The following NPC1 variants were observed in gnomAD, a reference collection of about 807,000 sequenced individuals.
NPC1 encodes the protein NPC intracellular cholesterol transporter 1, also known as Niemann-Pick C1 protein.
In NPC1, 85 loss-of-function variants were observed where a neutral mutation model predicts 140.4. That is an observed-to-expected ratio of 0.61 (90% CI 0.51 to 0.72). The LOEUF is 0.72. Ranked by LOEUF, NPC1 falls within the 30% of genes least tolerant of loss-of-function variation. The pLI is 0.00. For missense variants in NPC1, 1,504 were observed against 1,623.8 expected (o/e 0.93, Z 1.27); for synonymous variants, 656 against 624.8 (o/e 1.05, Z -0.74).
chr18:23,506,646 TGA>T (rs1261443960), intron 3 of NPC1: 1 of 256,510 alleles, frequency 3.9e-6, no homozygotes, highest in South Asian at 4.1e-5. Context: ...AGCTTTGCTG[TGA>T]GAGAGAAACA....
At chr18:23,514,035 G>C (rs1046268746) in intron 3 of NPC1, among the ~76,000 whole-genome samples, 1 of 152,120 alleles carries the variant, frequency 6.6e-6, no homozygotes, top group East Asian at 1.9e-4. Flanking sequence ...ATCTGTTCCA[G>C]CTTCCTGACC....
At chr18:23,540,133 C>T in intron 17 of NPC1, 132 bp from the exon 18 acceptor site, 1 of 784,666 alleles carries the variant, frequency 1.3e-6, no homozygotes, top group Admixed American at 2.0e-5. Flanking sequence ...CTCATGATTC[C>T]TAACACCACC....
In NPC1 at chr18:23,556,438, T is replaced by C. The variant is rs1164106395; in HGVS notation, c.1131A>G (p.Pro377=). The change falls in exon 8 of 25, where the codon CCA becomes CCG. Residue 377 remains proline, a synonymous_variant. Coordinates refer to ENST00000269228, the MANE Select transcript of NPC1 (RefSeq NM_000271.5). ...TGCTGGGGGCTGACCAGAGGTCAAC[T>C]GGATTGGTTGTGACCCGGACAAACA... is the stretch of plus-strand genomic sequence containing the variant. The part of the protein sequence containing the change: ...GLVFVRVTTN[P]VDLWSAPSSQ... 1 of 1,613,942 alleles carries C rather than the reference T, an allele frequency of 6.2e-7. No individual in the cohort carries two copies. The highest frequency in any genetic ancestry group is 1.3e-5 in the African/African-American group (1 of 74,896).
rs1444886499 is a variant in NPC1, at chr18:23,545,166, A to G, written c.1758-17T>C. The G allele has an allele frequency of 3.8e-6, 6 of 1,567,148 alleles. No individual in the cohort carries two copies. The highest frequency in any genetic ancestry group is 5.3e-6 in the Non-Finnish European group (6 of 1,137,276). ...TTAATAAACCTAAAAGGTAAGCAAA[A>G]TGTTATATTTTTAGTTAAACTAACT... is the stretch of plus-strand genomic sequence containing the variant. On this transcript the variant is annotated splice_polypyrimidine_tract_variant and intron_variant, in intron 11 of 24. Coordinates refer to ENST00000269228, the MANE Select transcript of NPC1 (RefSeq NM_000271.5).
rs1453113284 is a variant in NPC1 at position 23,539,382 on chromosome 18, T to C, written c.2884A>G (p.Ile962Val). The C allele has an allele frequency of 6.2e-7, 1 of 1,613,600 alleles. No individual in the cohort carries two copies. Among genetic ancestry groups the C allele is most frequent in the Admixed American group, 1.7e-5 (1 of 60,020 alleles). ...GAAGCATTGCAGAACTGGTCAGTGATATTGTCCACTCGACAGCAAGACGAC... is the reference window on the plus strand; with the variant it reads ...GAAGCATTGCAGAACTGGTCAGTGACATTGTCCACTCGACAGCAAGACGAC... ...PQSSCCRVDN[I>V]TDQFCNASVV... The change falls in exon 19 of 25, where the codon ATC (isoleucine) becomes GTC (valine). Residue 962 changes from isoleucine to valine, a missense_variant. By Grantham distance (29) the Ile-to-Val change is conservative. Transcript: ENST00000269228.
At chr18:23,563,182 C>G (rs2059069130) in intron 4 of NPC1, among the ~76,000 whole-genome samples, 1 of 152,210 alleles carries the variant, frequency 6.6e-6, no homozygotes, top group African/African-American at 2.4e-5. Flanking sequence ...AAGGTTCATG[C>G]ATATTGTGGC....
At chr18:23,573,946 A>C (rs1026422403) in intron 1 of NPC1, among the ~76,000 whole-genome samples, 1 of 152,242 alleles carries the variant, frequency 6.6e-6, no homozygotes, top group Non-Finnish European at 1.5e-5. Flanking sequence ...ATAAGCTCTA[A>C]GTAATGAAAG....
At chr18:23,527,872 T>C, downstream of NPC1, 1 of 1,614,070 alleles carries the variant, frequency 6.2e-7, no homozygotes, top group Non-Finnish European at 8.5e-7. Flanking sequence ...GTATAAAAAG[T>C]ACCTGGATGC....
chr18:23,582,105 C>G (rs2059363855), intron 1 of NPC1: 1 of 152,146 alleles, frequency 6.6e-6, no homozygotes, highest in South Asian at 2.1e-4. Context: ...TGATAACACA[C>G]TACCTTAGGA....
downstream of NPC1, among the ~76,000 whole-genome samples, chr18:23,525,440 T>C (rs1381020592): frequency 6.6e-6 from 1 of 151,866 alleles, no homozygotes; most frequent in African/African-American, 2.4e-5. Context: ...ATAATAATTA[T>C]TTTGAGACGG....
At chr18:23,563,756 C>T (rs1393504818) in intron 4 of NPC1, among the ~76,000 whole-genome samples, 1 of 152,112 alleles carries the variant, frequency 6.6e-6, no homozygotes, top group African/African-American at 2.4e-5. Flanking sequence ...TTCCTATTTT[C>T]CACAGCCTTG....
intron 3 of NPC1, among the ~76,000 whole-genome samples, chr18:23,509,918 G>A (rs953304120): frequency 6.6e-6 from 1 of 150,554 alleles, no homozygotes; most frequent in African/African-American, 2.4e-5. Flanking sequence ...CCAGGCTGGT[G>A]TCAAACTCCT....
At chr18:23,580,074 A>G (rs1050703386) in intron 1 of NPC1, among the ~76,000 whole-genome samples, 11 of 152,108 alleles carry the variant, frequency 7.2e-5, no homozygotes, top group Non-Finnish European at 1.3e-4. Flanking sequence ...CTGAACATCT[A>G]TTGTTCTCGA....
downstream of NPC1, among the ~76,000 whole-genome samples, chr18:23,527,223 CAAAAA>C (rs386387173): frequency 4.6e-5 from 2 of 43,670 alleles, no homozygotes; most frequent in Non-Finnish European, 1.0e-4. Context: ...CCTGTCTCTA[CAAAAA>C]AAAAAAAAAA....
rs182783426 is a variant in NPC1, at chr18:23,575,195, G to A, written c.58-1621C>T. On this transcript the variant is annotated intron_variant, in intron 1 of 24. Transcript: ENST00000269228. ...GCAGCTCTGGCCTGACAAACAGGAC[G>A]GGTGTCTGGAGTCTAAAATCCCCTT... is the stretch of plus-strand genomic sequence containing the variant. 2.6e-3 allele frequency among the ~76,000 whole-genome samples: 401 copies of A among 152,326 alleles called. 3 individuals carry two copies. The highest frequency in any genetic ancestry group is 9.1e-3 in the African/African-American group (377 of 41,580).
chr18:23,537,442 A>G (rs922400391), intron 20 of NPC1, among the ~76,000 whole-genome samples: 3 of 152,144 alleles, frequency 2.0e-5, no homozygotes, highest in Non-Finnish European at 4.4e-5. Context: ...ACCTGGTTTC[A>G]TGTATAATCA....
intron 24 of NPC1, 135 bp from the exon 25 acceptor site, chr18:23,532,419 G>C: frequency 1.1e-6 from 1 of 914,896 alleles, no homozygotes; most frequent in Non-Finnish European, 1.8e-6. Context: ...CTGGACAACA[G>C]AGTGAGACCA....
At chr18:23,559,248 T>C (rs1361657261) in intron 6 of NPC1, among the ~76,000 whole-genome samples, 2 of 152,208 alleles carry the variant, frequency 1.3e-5, no homozygotes, top group African/African-American at 4.8e-5. Flanking sequence ...AGTAATGGGA[T>C]GGCTGGGTCA....
At position 23,565,785 on chromosome 18, in the gene NPC1, T is replaced by C. The variant is rs569238470; in HGVS notation, c.463+3038A>G. Among the ~76,000 whole-genome samples the C allele has an allele frequency of 3.3e-5, 5 of 152,384 alleles. No individual in the cohort carries two copies. The South Asian group carries it at 6.2e-4, about 19-fold the overall frequency. Reference sequence around the variant, plus strand: ...TACAGAAATACAACTGATTTTTGTATGCTGAATTTTCTCTAAGTTCTCAGG... The same window carrying C: ...TACAGAAATACAACTGATTTTTGTACGCTGAATTTTCTCTAAGTTCTCAGG... On this transcript the variant is annotated intron_variant, in intron 4 of 24. Coordinates refer to ENST00000269228, the MANE Select transcript of NPC1 (RefSeq NM_000271.5).
Sources: allele counts gnomAD v4.1 joint callset (sites outside exome capture counted in the v4.1 genomes callset), GRCh38; gene constraint gnomAD v4.1.1; transcripts MANE v1.5; gene names NCBI Gene and HGNC (gene_info 2026-07-23, HGNC 2026-07-21).